Variants in ARHGEF4 observed in about 807,000 individuals in gnomAD.
ARHGEF4 encodes APC-stimulated guanine nucleotide exchange factor 1.
Under a neutral mutation model 162.0 loss-of-function variants are expected in ARHGEF4, and 119 were observed. The observed-to-expected ratio is 0.73, with a 90% CI of 0.63 to 0.86. ARHGEF4 has a LOEUF of 0.86. Ranked by LOEUF, ARHGEF4 falls within the 40% of genes least tolerant of loss-of-function variation. ARHGEF4 has a pLI of 0.00. For synonymous variants in ARHGEF4, 1,014 were observed against 979.9 expected (o/e 1.03, Z -0.65); for missense variants, 2,488 against 2,456.0 (o/e 1.01, Z -0.28).
At chr2:130,964,342 C>T (rs1684852720) in intron 4 of ARHGEF4, 3 of 760,440 alleles carry the variant, frequency 3.9e-6, no homozygotes, top group Non-Finnish European at 4.8e-6. Context: ...TTTCCTTCTC[C>T]TCCCTCACTT....
chr2:130,891,553 A>G (rs1230368475), intron 1 of ARHGEF4, among the ~76,000 whole-genome samples: 1 of 152,138 alleles, frequency 6.6e-6, no homozygotes, highest in Non-Finnish European at 1.5e-5. Flanking sequence ...AAATAACAGA[A>G]ATTTATTTGC....
chr2:130,910,916 A>G (rs755929150), intron 1 of ARHGEF4, among the ~76,000 whole-genome samples: 1 of 152,276 alleles, frequency 6.6e-6, no homozygotes, highest in African/African-American at 2.4e-5. Context: ...GATAATGGAC[A>G]TACCACAGAT....
intron 1 of ARHGEF4, among the ~76,000 whole-genome samples, chr2:130,846,414 C>T (rs1476209922): frequency 6.6e-6 from 1 of 152,330 alleles, no homozygotes; most frequent in East Asian, 1.9e-4. Flanking sequence ...CCTACGCCAG[C>T]CTCCCTGCCC....
Position 130,916,221 on chromosome 2 carries a change from G to A in ARHGEF4, c.2275G>A (p.Ala759Thr), listed in dbSNP as rs1455757680. 2.6e-6 allele frequency: 4 copies of A among 1,542,622 alleles called. No homozygotes were observed. Among genetic ancestry groups the A allele is most frequent in the Non-Finnish European group, 3.5e-6 (4 of 1,144,538 alleles). ...CCCGGAGGAGGCCCCCGAAGGCGGT[G>A]CTGCAGCAGCCCGGGGCCAGCGCCC... ...RGPEEAPEGG[A>T]AAARGQRPRV... is the part of the protein sequence containing the mutation. Residue 759 changes from alanine (A) to threonine (T), a missense_variant, in exon 2 of 14, where the codon GCT becomes ACT. Ala to Thr is a moderately conservative substitution (Grantham distance 58). This residue lies in a region of ARHGEF4 where 1,642 missense variants were observed against 1,481.5 expected (regional missense o/e 1.11). Transcript: ENST00000409359.
intron 4 of ARHGEF4, among the ~76,000 whole-genome samples, chr2:130,992,611 G>T (rs548323419): frequency 3.3e-5 from 5 of 151,854 alleles, no homozygotes; most frequent in African/African-American, 4.8e-5. Flanking sequence ...CTCCAGACGC[G>T]CCACCTTAAG....
intron 1 of ARHGEF4, among the ~76,000 whole-genome samples, chr2:130,887,771 G>A (rs1679607551): frequency 1.3e-5 from 2 of 152,136 alleles, no homozygotes; most frequent in East Asian, 1.9e-4. Context: ...CCATTTCTGT[G>A]GTTGGCCCGG....
At position 130,915,413 on chromosome 2, in the gene ARHGEF4, G is replaced by C. The variant is rs1391243542; in HGVS notation, c.1467G>C (p.Gln489His). 4 of 1,550,594 alleles carry C rather than the reference G, an allele frequency of 2.6e-6. No individual in the cohort carries two copies. Among genetic ancestry groups the C allele is most frequent in the Non-Finnish European group, 2.6e-6 (3 of 1,147,016 alleles). Residue 489 changes from glutamine to histidine, a missense_variant, in exon 2 of 14, where the codon CAG becomes CAC. This residue lies in a region of ARHGEF4 where 1,642 missense variants were observed against 1,481.5 expected (regional missense o/e 1.11). Transcript: ENST00000409359. Reference sequence around the variant, plus strand: ...GAGCTGCTGATGAGAGAGAGACACAGAAGCACCTCTGGGGCATTTCTGTCC... The same window carrying C: ...GAGCTGCTGATGAGAGAGAGACACACAAGCACCTCTGGGGCATTTCTGTCC... ...APRAADERET[Q>H]KHLWGISVQA...
At chr2:130,910,108 G>T (rs35058552) in intron 1 of ARHGEF4, among the ~76,000 whole-genome samples, 1,640 of 152,190 alleles carry the variant, frequency 0.011, 14 homozygotes, top group Non-Finnish European at 0.019. Context: ...TAATGTAGGT[G>T]ACGGGTTGAT....
At chr2:130,909,642 C>G (rs943050094) in intron 1 of ARHGEF4, among the ~76,000 whole-genome samples, 30 of 148,884 alleles carry the variant, frequency 2.0e-4, no homozygotes, top group Admixed American at 1.9e-3. Context: ...GACAATTATA[C>G]ATCAATAAAG....
chr2:130,986,616 G>A (rs1377959138), intron 4 of ARHGEF4, among the ~76,000 whole-genome samples: 1 of 152,126 alleles, frequency 6.6e-6, no homozygotes, highest in Admixed American at 6.6e-5. Context: ...GAGGCCATGA[G>A]GGGCAGCCAG....
In ARHGEF4 at chr2:130,914,118, C is replaced by T. The variant is rs1294690764; in HGVS notation, c.172C>T (p.Gln58Ter). 3 of 1,536,146 alleles carry T rather than the reference C, an allele frequency of 2.0e-6. No individual in the cohort carries two copies. Among genetic ancestry groups the T allele is most frequent in the Non-Finnish European group, 1.7e-6 (2 of 1,146,922 alleles). The change falls in exon 2 of 14, where the codon CAG becomes TAG. Residue 58 changes from glutamine to a stop codon, truncating the protein, a stop_gained. Transcript: ENST00000409359. LOFTEE classifies it high-confidence loss of function. ...TDRDDSETLSQQSESGSDTKT... is the reference protein window; with the variant it reads ...TDRDDSETLS The stretch of plus-strand genomic sequence containing the variant: ...CCGCGATGATTCTGAAACGCTGTCC[C>T]AGCAGAGTGAAAGTGGATCAGACAC...
chr2:130,945,149 C>T (rs1683528655), intron 3 of ARHGEF4, among the ~76,000 whole-genome samples: 1 of 152,010 alleles, frequency 6.6e-6, no homozygotes, highest in Non-Finnish European at 1.5e-5. Context: ...AGTGCGGGAA[C>T]TCATACACAA....
At chr2:131,023,069 T>A (rs1689236099) in intron 4 of ARHGEF4, among the ~76,000 whole-genome samples, 1 of 8,336 alleles carries the variant, frequency 1.2e-4, no homozygotes, top group East Asian at 3.0e-3. Flanking sequence ...GGTGAAACCC[T>A]GTCTCAAAAA....
intron 1 of ARHGEF4, among the ~76,000 whole-genome samples, chr2:130,844,556 T>A (rs1680820559): frequency 6.6e-6 from 1 of 152,170 alleles, no homozygotes; most frequent in African/African-American, 2.4e-5. Flanking sequence ...AGATTGCCCA[T>A]GCTCGAGAAG....
At chr2:130,944,992 T>C (rs1683516582) in intron 3 of ARHGEF4, among the ~76,000 whole-genome samples, 1 of 152,144 alleles carries the variant, frequency 6.6e-6, no homozygotes, top group Non-Finnish European at 1.5e-5. Flanking sequence ...TCAGTTCAGG[T>C]TTTAAGATGT....
chr2:130,867,814 C>G (rs940312901), intron 1 of ARHGEF4, among the ~76,000 whole-genome samples: 3 of 152,162 alleles, frequency 2.0e-5, no homozygotes, highest in African/African-American at 7.2e-5. Context: ...GCCTTCTCCC[C>G]GGTCCCACTG....
At chr2:130,868,470 C>CGGGGGGG (rs1682459351) in intron 1 of ARHGEF4, among the ~76,000 whole-genome samples, 1 of 116,224 alleles carries the variant, frequency 8.6e-6, no homozygotes, top group African/African-American at 3.2e-5. Flanking sequence ...TGGGGTGGGG[C>CGGGGGGG]GGGGCAGGTG....
chr2:130,994,566 A>G (rs937554750), intron 4 of ARHGEF4, among the ~76,000 whole-genome samples: 2 of 152,138 alleles, frequency 1.3e-5, no homozygotes, highest in African/African-American at 4.8e-5. Flanking sequence ...TTTTGGTCCA[A>G]TAAGACGTTG....
rs1236399831 is a variant in ARHGEF4, at chr2:131,046,359, T to C, written c.*170T>C. On this transcript the variant is annotated 3_prime_UTR_variant, in exon 14 of 14. Transcript: ENST00000409359. ...CCAGGTCTGTACTCCTGTTGTCTTTTTCCCTGCTCCTGGTGCCCTGAAGAG... is the reference window on the plus strand; with the variant it reads ...CCAGGTCTGTACTCCTGTTGTCTTTCTCCCTGCTCCTGGTGCCCTGAAGAG... 1 of 694,924 alleles carries C rather than the reference T, an allele frequency of 1.4e-6. No homozygotes were observed. The highest frequency in any genetic ancestry group is 2.4e-6 in the Non-Finnish European group (1 of 424,934). 43.0% of individuals were successfully genotyped at this position (694,924 alleles called of 1,614,324 possible). A position where few individuals can be genotyped will look rare whatever the true frequency, so the allele number is the denominator to read the frequency against.
Sources: gnomAD v4.1 joint callset for allele counts (sites outside exome capture counted in the v4.1 genomes callset) on GRCh38, gnomAD v4.1.1 for gene constraint, gnomAD v4.1.1 regional missense constraint, MANE v1.5 for transcripts, NCBI Gene and HGNC (gene_info 2026-07-23, HGNC 2026-07-21) for gene names.